NDRG3: variants seen among roughly 807,000 people sequenced by gnomAD.
NDRG3 encodes protein NDRG3.
Under a neutral mutation model 57.2 loss-of-function variants are expected in NDRG3, and 23 were observed. The ratio of observed to expected loss-of-function variants is 0.40; its 90% CI spans 0.29 to 0.57. NDRG3 has a LOEUF of 0.57. Among genes scored for constraint, NDRG3 ranks in the 20% least tolerant of loss-of-function variants. The pLI is 0.42. For synonymous variants in NDRG3, 132 were observed against 162.6 expected (o/e 0.81, Z 1.43); for missense variants, 384 against 457.3 (o/e 0.84, Z 1.46).
chr20:36,730,379 C>T (rs1258246921), intron 1 of NDRG3, among the ~76,000 whole-genome samples: 1 of 151,932 alleles, frequency 6.6e-6, no homozygotes. Context: ...CTCAGCCTCC[C>T]AAAGAGCTAA....
chr20:36,718,732 G>A (rs1199499579), intron 2 of NDRG3, among the ~76,000 whole-genome samples: 1 of 152,044 alleles, frequency 6.6e-6, no homozygotes, highest in Admixed American at 6.6e-5. Context: ...CCAGGCTGGA[G>A]TGCAGTGGCA....
At position 36,653,681 on chromosome 20, in the gene NDRG3, G is replaced by A. The variant is rs758806525; in HGVS notation, c.967C>T (p.Arg323Trp). Residue 323 changes from arginine (R) to tryptophan (W), a missense_variant, in exon 16 of 16, where the codon CGG (arginine) becomes TGG (tryptophan). Arg to Trp is a moderately radical substitution (Grantham distance 101, BLOSUM62 -3). Transcript: ENST00000349004. The surrounding 1 kb of genome is among the most constrained non-coding windows in gnomAD (Gnocchi z 4.2). ...GAGTGGGTTCGTGATCGGGCGAGCC[G>A]AGTCATGCTGGCAGATGGTACTGTA... ...MGYIPSASMT[R>W]LARSRTHSTS... 6 of 1,613,640 alleles carry A rather than the reference G, an allele frequency of 3.7e-6. No individual in the cohort carries two copies. Among genetic ancestry groups the A allele is most frequent in the Non-Finnish European group, 4.2e-6 (5 of 1,180,012 alleles).
At chr20:36,687,363 G>A (rs1210894782) in intron 5 of NDRG3, 129 bp downstream of exon 5, 1 of 1,148,424 alleles carries the variant, frequency 8.7e-7, no homozygotes, top group African/African-American at 1.6e-5. Context: ...TATGAGGATG[G>A]TTGGTCAATA....
chr20:36,657,506 G>A (rs1019087398), intron 13 of NDRG3, among the ~76,000 whole-genome samples: 4 of 151,090 alleles, frequency 2.6e-5, no homozygotes, highest in East Asian at 1.9e-4. Flanking sequence ...AAAAAGGAAC[G>A]TACATTTCTA....
At chr20:36,657,926 A>T (rs779588312) in intron 13 of NDRG3, among the ~76,000 whole-genome samples, 3 of 152,220 alleles carry the variant, frequency 2.0e-5, no homozygotes, top group Non-Finnish European at 2.9e-5. Context: ...GAATACTGGG[A>T]GAAACTATTT....
At chr20:36,726,549 T>A (rs1334839894) in intron 1 of NDRG3, among the ~76,000 whole-genome samples, 1 of 152,176 alleles carries the variant, frequency 6.6e-6, no homozygotes, top group Non-Finnish European at 1.5e-5. Flanking sequence ...AAACTCCATC[T>A]CCAGATCCCT....
chr20:36,694,265 T>C (rs1352436773), intron 3 of NDRG3, among the ~76,000 whole-genome samples: 2 of 152,142 alleles, frequency 1.3e-5, no homozygotes, highest in Admixed American at 6.6e-5. Context: ...ACATGGTAAT[T>C]TGTCTGACTT....
chr20:36,682,358 T>C (rs1981376467), intron 7 of NDRG3, among the ~76,000 whole-genome samples, 160 bp downstream of exon 7: 1 of 152,196 alleles, frequency 6.6e-6, no homozygotes, highest in Admixed American at 6.5e-5. Flanking sequence ...TATTGTTAAG[T>C]ACAAAGCTAG....
At chr20:36,691,085 T>C (rs1982230527) in intron 3 of NDRG3, among the ~76,000 whole-genome samples, 1 of 152,246 alleles carries the variant, frequency 6.6e-6, no homozygotes, top group Non-Finnish European at 1.5e-5. Context: ...AGTCTTACAT[T>C]AGGTAAGACA....
Position 36,695,522 on chromosome 20 carries a change from G to A in NDRG3, c.94-6738C>T, listed in dbSNP as rs561929394. ...TGGGAAAAGAACGCATTCCTGGGGG[G>A]ACGGAGGGGGATCTCTAAAATGGCC... On this transcript the variant is annotated intron_variant, in intron 3 of 15. Coordinates refer to ENST00000349004, the MANE Select transcript of NDRG3 (RefSeq NM_032013.4). Among the ~76,000 whole-genome samples the A allele has an allele frequency of 6.2e-4, 94 of 152,290 alleles. 1 individual carries two copies. Among genetic ancestry groups the A allele is most frequent in the Middle Eastern group, 3.4e-3 (1 of 294 alleles).
In NDRG3 at chr20:36,671,351, T is replaced by C; in HGVS notation, c.578A>G (p.His193Arg). 1 of 1,613,830 alleles carries C rather than the reference T, an allele frequency of 6.2e-7. No individual in the cohort carries two copies. The highest frequency in any genetic ancestry group is 8.5e-7 in the Non-Finnish European group (1 of 1,179,764). ...GGAACAGGTACTTACCTGCCCAAAG[T>C]GATGAGCCAAAATAATGTCCACAAC... ...TNVVDIILAH[H>R]FGQEELQANL... The change falls in exon 9 of 16, where the codon CAC becomes CGC. Residue 193 changes from histidine to arginine, a missense_variant. By Grantham distance (29) the His-to-Arg change is conservative (BLOSUM62 0). Coordinates refer to ENST00000349004, the MANE Select transcript of NDRG3 (RefSeq NM_032013.4).
chr20:36,740,696 A>C (rs1415370054), intron 1 of NDRG3, among the ~76,000 whole-genome samples: 1 of 152,190 alleles, frequency 6.6e-6, no homozygotes, highest in African/African-American at 2.4e-5. Context: ...GTACTATGAG[A>C]CATATCACAG....
chr20:36,665,035 G>A lies in NDRG3; in HGVS notation c.810+11C>T. 9 of 1,613,328 alleles carry A rather than the reference G, an allele frequency of 5.6e-6. No homozygotes were observed. The South Asian group carries it at 6.6e-5, about 12-fold the overall frequency. On this transcript the variant is annotated intron_variant, in intron 12 of 15. Coordinates refer to ENST00000349004, the MANE Select transcript of NDRG3 (RefSeq NM_032013.4). ...ATCTCATTCATCTTCACAGCATGAG[G>A]ACATACTTACCACAGCCTCAACTGC... is the stretch of plus-strand genomic sequence containing the variant.
intron 1 of NDRG3, among the ~76,000 whole-genome samples, chr20:36,733,500 G>A (rs1214821738): frequency 6.6e-6 from 1 of 151,904 alleles, no homozygotes; most frequent in African/African-American, 2.4e-5. Flanking sequence ...CAAGGCGGGC[G>A]GATCACGAGG....
chr20:36,712,857 A>C (rs367631210), intron 2 of NDRG3, among the ~76,000 whole-genome samples: 77 of 151,478 alleles, frequency 5.1e-4, no homozygotes, highest in African/African-American at 1.8e-3. Flanking sequence ...TGGCCTCCCA[A>C]AGTGTTGAGA....
At chr20:36,683,922 CTT>C (rs1358500459) in intron 6 of NDRG3, among the ~76,000 whole-genome samples, 1 of 152,136 alleles carries the variant, frequency 6.6e-6, no homozygotes, top group Non-Finnish European at 1.5e-5. Context: ...GTTCTCCCTG[CTT>C]TCTCTCTCTG....
intron 1 of NDRG3, among the ~76,000 whole-genome samples, chr20:36,724,103 C>T (rs145908859): frequency 6.6e-6 from 1 of 152,248 alleles, no homozygotes; most frequent in African/African-American, 2.4e-5. Flanking sequence ...GTGTTCCAGG[C>T]TACCTTTTAG....
At chr20:36,733,170 AAATATATATATATATATATATATAT>A (rs1985412792) in intron 1 of NDRG3, among the ~76,000 whole-genome samples, 1 of 30,062 alleles carries the variant, frequency 3.3e-5, no homozygotes, top group Non-Finnish European at 7.1e-5. Flanking sequence ...AAAAAAAAAA[AAATATATATATATATATATATATAT>A]ATATATATGC....
At chr20:36,714,775 G>A (rs1207699063) in intron 2 of NDRG3, among the ~76,000 whole-genome samples, 4 of 151,148 alleles carry the variant, frequency 2.6e-5, no homozygotes, top group African/African-American at 4.9e-5. Flanking sequence ...CACCACGCCC[G>A]GCTAATTTTT....
Sources: allele counts gnomAD v4.1 joint callset (sites outside exome capture counted in the v4.1 genomes callset), GRCh38; gene constraint gnomAD v4.1.1; non-coding constraint Gnocchi (gnomAD v3.1); transcripts MANE v1.5; gene names NCBI Gene and HGNC (gene_info 2026-07-23, HGNC 2026-07-21).